COL14A1: variants seen among roughly 807,000 people sequenced by gnomAD.
COL14A1 encodes collagen alpha-1(XIV) chain.
In COL14A1, 136 loss-of-function variants were observed where a neutral mutation model predicts 230.3. The ratio of observed to expected loss-of-function variants is 0.59; its 90% CI spans 0.51 to 0.68. The LOEUF is 0.68. COL14A1 is among the 30% of genes least tolerant of loss of function. The pLI is 0.00. For synonymous variants in COL14A1, 792 were observed against 784.1 expected (o/e 1.01, Z -0.17); for missense variants, 1,976 against 2,215.8 (o/e 0.89, Z 2.17).
intron 25 of COL14A1, among the ~76,000 whole-genome samples, chr8:120,269,057 T>C (rs967843781): frequency 6.6e-6 from 1 of 151,756 alleles, no homozygotes; most frequent in East Asian, 1.9e-4. Flanking sequence ...TAAATAGCTT[T>C]AAGGGAATGA....
intron 5 of COL14A1, among the ~76,000 whole-genome samples, chr8:120,185,586 C>T (rs1816625865): frequency 6.6e-6 from 1 of 152,044 alleles, no homozygotes. Context: ...ATCACTTGAG[C>T]CCAGGAATGC....
chr8:120,240,425 T>G (rs1025889918), intron 19 of COL14A1, among the ~76,000 whole-genome samples: 3 of 152,134 alleles, frequency 2.0e-5, no homozygotes, highest in African/African-American at 7.2e-5. Context: ...GCATGTAAAT[T>G]TAGATTATGA....
intron 5 of COL14A1, among the ~76,000 whole-genome samples, chr8:120,192,346 T>G (rs1014146214): frequency 4.6e-5 from 7 of 152,222 alleles, no homozygotes; most frequent in African/African-American, 1.7e-4. Flanking sequence ...TTGAAAATTC[T>G]TTTCTTTAAG....
intron 7 of COL14A1, among the ~76,000 whole-genome samples, chr8:120,198,467 G>A (rs12676462): frequency 2.0e-5 from 3 of 152,006 alleles, no homozygotes; most frequent in East Asian, 3.9e-4. Context: ...ATCATCCATG[G>A]CACAATCACA....
intron 24 of COL14A1, among the ~76,000 whole-genome samples, chr8:120,265,904 T>C (rs1342851541): frequency 2.0e-5 from 3 of 152,042 alleles, no homozygotes; most frequent in Non-Finnish European, 2.9e-5. Context: ...CTTTATAAAA[T>C]TCTTGGCAAA....
At chr8:120,280,847 A>C in intron 30 of COL14A1, 74 bp from the exon 31 acceptor site, 1 of 1,481,064 alleles carries the variant, frequency 6.8e-7, no homozygotes, top group Non-Finnish European at 9.1e-7. Flanking sequence ...TTAATAGAAA[A>C]ATATTAAAAT....
At position 120,249,075 on chromosome 8, in the gene COL14A1, C is replaced by T. The variant is rs867658444; in HGVS notation, c.2602+1340C>T. ...CCGAGTAGCTGGGACTACAGGCGCC[C>T]GCCACCACGCCCGGCTAATTTTTTT... On this transcript the variant is annotated intron_variant, in intron 21 of 47. Coordinates refer to ENST00000297848, the MANE Select transcript of COL14A1 (RefSeq NM_021110.4). Among the ~76,000 whole-genome samples the T allele has an allele frequency of 5.8e-4, 87 of 148,796 alleles. 1 individual carries two copies. Among genetic ancestry groups the T allele is most frequent in the South Asian group, 4.5e-3 (21 of 4,652 alleles).
At chr8:120,330,748 A>T (rs1379464047) in intron 40 of COL14A1, among the ~76,000 whole-genome samples, 2 of 152,096 alleles carry the variant, frequency 1.3e-5, no homozygotes, top group African/African-American at 2.4e-5. Context: ...CGGCCTTATC[A>T]TTGCTGTCTT....
chr8:120,325,712 G>A (rs550251127), intron 40 of COL14A1, among the ~76,000 whole-genome samples: 59 of 152,060 alleles, frequency 3.9e-4, no homozygotes, highest in Non-Finnish European at 1.3e-4. Flanking sequence ...AGGCTGGTCC[G>A]GAACCCCCGA....
intron 34 of COL14A1, among the ~76,000 whole-genome samples, chr8:120,291,975 T>G (rs1328475216): frequency 6.6e-6 from 1 of 152,178 alleles, no homozygotes; most frequent in Non-Finnish European, 1.5e-5. Context: ...AAGAAACATT[T>G]GATAGAAATT....
At chr8:120,273,006 CAT>C (rs1414369921) in intron 26 of COL14A1, among the ~76,000 whole-genome samples, 2 of 151,706 alleles carry the variant, frequency 1.3e-5, no homozygotes, top group African/African-American at 4.8e-5. Flanking sequence ...TTCACATCAG[CAT>C]ATGGAACATT....
intron 23 of COL14A1, among the ~76,000 whole-genome samples, chr8:120,260,909 C>T (rs1273368990): frequency 1.3e-5 from 2 of 152,140 alleles, no homozygotes; most frequent in Non-Finnish European, 2.9e-5. Context: ...TAGAATATAT[C>T]AGTGGAAATT....
intron 45 of COL14A1, among the ~76,000 whole-genome samples, chr8:120,346,417 T>C (rs1383008198): frequency 2.6e-5 from 4 of 152,208 alleles, no homozygotes; most frequent in Non-Finnish European, 2.9e-5. Context: ...CTAAGATACA[T>C]TTTGTAGAAC....
intron 6 of COL14A1, 123 bp from the exon 7 acceptor site, chr8:120,197,688 G>T (rs1817084220): frequency 2.1e-6 from 2 of 930,968 alleles, no homozygotes; most frequent in Non-Finnish European, 3.2e-6. Flanking sequence ...AAAATTTATA[G>T]CCAGGCCAAA....
At chr8:120,242,112 G>T (rs1338244988) in intron 19 of COL14A1, among the ~76,000 whole-genome samples, 1 of 152,062 alleles carries the variant, frequency 6.6e-6, no homozygotes, top group African/African-American at 2.4e-5. Context: ...AATGAATATT[G>T]TGTTTAGACT....
intron 5 of COL14A1, among the ~76,000 whole-genome samples, chr8:120,184,212 G>A (rs890603359): frequency 3.0e-5 from 4 of 133,170 alleles, no homozygotes; most frequent in African/African-American, 1.5e-4. Context: ...GTGTGTGTGT[G>A]GGGGGGGAAG....
chr8:120,276,851 AT>A (rs1432729384), intron 26 of COL14A1, among the ~76,000 whole-genome samples: 11 of 151,894 alleles, frequency 7.2e-5, no homozygotes, highest in African/African-American at 1.7e-4. Context: ...AAAAAATAAA[AT>A]AAAATTAGGT....
At chr8:120,339,512 C>G (rs570364968) in intron 42 of COL14A1, among the ~76,000 whole-genome samples, 58 of 152,250 alleles carry the variant, frequency 3.8e-4, no homozygotes, top group African/African-American at 1.4e-3. Flanking sequence ...ACGACCATAT[C>G]ATGAGAGAAT....
chr8:120,291,414 A>C (rs970896995), intron 34 of COL14A1, among the ~76,000 whole-genome samples: 2 of 151,918 alleles, frequency 1.3e-5, no homozygotes, highest in African/African-American at 4.8e-5. Flanking sequence ...ACAAAAAATT[A>C]GCCGGATGTG....
Sources: allele counts gnomAD v4.1 joint callset (sites outside exome capture counted in the v4.1 genomes callset), GRCh38; gene constraint gnomAD v4.1.1; transcripts MANE v1.5; gene names NCBI Gene and HGNC (gene_info 2026-07-23, HGNC 2026-07-21).